IGF1R: variants seen among roughly 807,000 people sequenced by gnomAD.
The protein encoded by IGF1R is insulin-like growth factor 1 receptor.
Under a neutral mutation model 144.6 loss-of-function variants are expected in IGF1R, and 44 were observed. The ratio of observed to expected loss-of-function variants is 0.30; its 90% CI spans 0.24 to 0.39. The LOEUF is 0.39. Ranked by LOEUF, IGF1R falls within the 10% of genes least tolerant of loss-of-function variation. The probability of loss-of-function intolerance (pLI) is 1.00; values close to 1 mark genes in which losing one functional copy is unlikely to be tolerated. For synonymous variants in IGF1R, 795 were observed against 722.8 expected (o/e 1.10, Z -1.60); for missense variants, 1,355 against 1,833.7 (o/e 0.74, Z 4.77).
chr15:98,755,745 AAAAAAAAAG>A lies in IGF1R; in HGVS notation c.640+47639_640+47647del, dbSNP rs1421974438. On this transcript the variant is annotated intron_variant, in intron 2 of 20. Transcript: ENST00000650285. The stretch of plus-strand genomic sequence containing the variant: ...AAAAAAAAAAAAAAAAAAAAAAAAA[AAAAAAAAAG>A]GCATTACTGCCTTGTTCCTGATTTA... Among the ~76,000 whole-genome samples, 41 of 121,842 alleles carry A rather than the reference AAAAAAAAAG, an allele frequency of 3.4e-4. 1 individual carries two copies. Among genetic ancestry groups the A allele is most frequent in the African/African-American group, 1.6e-3 (37 of 23,262 alleles). The allele number at this position is 121,842 out of a possible 152,430, so 79.9% of individuals were successfully genotyped here.
chr15:98,882,534 G>A (rs1356972230), intron 2 of IGF1R, among the ~76,000 whole-genome samples: 1 of 152,218 alleles, frequency 6.6e-6, no homozygotes, highest in Non-Finnish European at 1.5e-5. Context: ...GACTGCATAA[G>A]TGCTTGTTGC....
chr15:98,899,267 C>G (rs1245006704), intron 4 of IGF1R, among the ~76,000 whole-genome samples: 1 of 152,224 alleles, frequency 6.6e-6, no homozygotes, highest in African/African-American at 2.4e-5. Context: ...AGAAACTTGG[C>G]TTCCCCTGCC....
chr15:98,867,228 C>T (rs1237302692), intron 2 of IGF1R, among the ~76,000 whole-genome samples: 2 of 151,798 alleles, frequency 1.3e-5, no homozygotes, highest in African/African-American at 4.8e-5. Flanking sequence ...GATCCGTAGG[C>T]ATCAACTTTG....
In IGF1R at chr15:98,927,540, A is replaced by C. The variant is rs549704740; in HGVS notation, c.2783-2018A>C. On this transcript the variant is annotated intron_variant, in intron 13 of 20. Transcript: ENST00000650285. ...ATGTCCCTGTTGAAATGTGAAACTC[A>C]AAAAGAACACAGTACAGCCTGACCA... Among the ~76,000 whole-genome samples, 148 of 152,332 alleles carry C rather than the reference A, an allele frequency of 9.7e-4. 1 individual carries two copies. The highest frequency in any genetic ancestry group is 3.5e-3 in the African/African-American group (144 of 41,580).
At chr15:98,834,116 A>G (rs546037507) in intron 2 of IGF1R, among the ~76,000 whole-genome samples, 8 of 152,320 alleles carry the variant, frequency 5.3e-5, no homozygotes, top group East Asian at 1.9e-4. Context: ...AATCCATTCT[A>G]TTGCTGGAGC....
chr15:98,836,090 C>G (rs752059611), intron 2 of IGF1R, among the ~76,000 whole-genome samples: 1 of 152,056 alleles, frequency 6.6e-6, no homozygotes, highest in African/African-American at 2.4e-5. Context: ...TTATGAAATT[C>G]GTCCAGTGAG....
At chr15:98,717,660 C>T (rs1347491518) in intron 2 of IGF1R, among the ~76,000 whole-genome samples, 1 of 151,970 alleles carries the variant, frequency 6.6e-6, no homozygotes, top group Non-Finnish European at 1.5e-5. Context: ...TATTTGGTTC[C>T]GAAACTGAAT....
chr15:98,748,280 T>TAG (rs1340551145), intron 2 of IGF1R, among the ~76,000 whole-genome samples: 1 of 152,076 alleles, frequency 6.6e-6, no homozygotes, highest in Non-Finnish European at 1.5e-5. Flanking sequence ...GATCCTCCTT[T>TAG]TTCAGCCTCC....
chr15:98,945,369 T>A (rs574135131), intron 19 of IGF1R, among the ~76,000 whole-genome samples: 66 of 152,218 alleles, frequency 4.3e-4, no homozygotes, highest in African/African-American at 1.5e-3. Flanking sequence ...TGTGGGGAAG[T>A]ATAGTTACTG....
chr15:98,693,892 C>T (rs1328301023), intron 1 of IGF1R, among the ~76,000 whole-genome samples: 2 of 152,200 alleles, frequency 1.3e-5, no homozygotes, highest in Non-Finnish European at 2.9e-5. Context: ...AGGCGTGAGC[C>T]ACCGTGCCTG....
At chr15:98,899,926 C>G (rs1364090438) in intron 5 of IGF1R, among the ~76,000 whole-genome samples, 3 of 152,118 alleles carry the variant, frequency 2.0e-5, no homozygotes, top group Non-Finnish European at 4.4e-5. Context: ...GGCTTTTCTG[C>G]CAAGAATGAC....
intron 2 of IGF1R, among the ~76,000 whole-genome samples, chr15:98,882,280 C>T (rs550995609): frequency 3.9e-5 from 6 of 152,306 alleles, no homozygotes; most frequent in African/African-American, 1.4e-4. Flanking sequence ...CAGACACCTG[C>T]ATGAGGGCTG....
Position 98,957,856 on chromosome 15 carries a change from TCC to T in IGF1R, c.*416_*417del, listed in dbSNP as rs34308422. 3.6e-6 allele frequency: 1 copy of T among 280,510 alleles called. No homozygotes were observed. 17.4% of individuals were successfully genotyped at this position (280,510 alleles called of 1,614,324 possible). Reference sequence around the variant, plus strand: ...TTTTATCAGTTTGAGGAAGTGGCTGTCCCTGTGGCCCCATCCAACCACTGTAC... The same window carrying T: ...TTTTATCAGTTTGAGGAAGTGGCTGTCTGTGGCCCCATCCAACCACTGTAC... On this transcript the variant is annotated 3_prime_UTR_variant, in exon 21 of 21. Transcript: ENST00000650285.
At chr15:98,826,710 CAT>C (rs774593982) in intron 2 of IGF1R, among the ~76,000 whole-genome samples, 6 of 152,166 alleles carry the variant, frequency 3.9e-5, no homozygotes, top group Non-Finnish European at 7.3e-5. Flanking sequence ...TTATCAGTGA[CAT>C]ATGTAAATGT....
chr15:98,921,952 A>G (rs773172275), intron 10 of IGF1R, among the ~76,000 whole-genome samples, 196 bp from the exon 11 acceptor site: 2 of 152,134 alleles, frequency 1.3e-5, no homozygotes, highest in East Asian at 1.9e-4. Flanking sequence ...TTGTGTGCCC[A>G]TTCTGACACT....
At chr15:98,720,747 T>C (rs781592861) in intron 2 of IGF1R, among the ~76,000 whole-genome samples, 1 of 152,230 alleles carries the variant, frequency 6.6e-6, no homozygotes, top group Non-Finnish European at 1.5e-5. Flanking sequence ...GGTCTGGCTT[T>C]TGCTGTTACC....
At chr15:98,852,391 A>G (rs907515363) in intron 2 of IGF1R, among the ~76,000 whole-genome samples, 3 of 151,898 alleles carry the variant, frequency 2.0e-5, no homozygotes, top group South Asian at 2.1e-4. Flanking sequence ...ACTACTTTCC[A>G]CTCCGAATAA....
chr15:98,902,322 GT>G (rs1014472074), intron 5 of IGF1R, among the ~76,000 whole-genome samples: 32 of 150,962 alleles, frequency 2.1e-4, no homozygotes, highest in Admixed American at 2.0e-3. Flanking sequence ...CACTTTGACG[GT>G]TTTTTTTCCT....
At chr15:98,675,826 C>CTTTCTTTTTT (rs1442608280) in intron 1 of IGF1R, among the ~76,000 whole-genome samples, 1 of 46,150 alleles carries the variant, frequency 2.2e-5, no homozygotes, top group African/African-American at 4.8e-5. Context: ...TTCTTTCTTT[C>CTTTCTTTTTT]TTTTTTTTTT....
Sources: allele counts gnomAD v4.1 joint callset (sites outside exome capture counted in the v4.1 genomes callset), GRCh38; gene constraint gnomAD v4.1.1; transcripts MANE v1.5; gene names NCBI Gene and HGNC (gene_info 2026-07-23, HGNC 2026-07-21).